Variants in BCAS3 observed in about 807,000 individuals in gnomAD.
BCAS3 encodes the protein BCAS3 microtubule associated cell migration factor.
A neutral mutation model predicts 116.1 loss-of-function variants in BCAS3; 53 were observed. The ratio of observed to expected loss-of-function variants is 0.46; its 90% CI spans 0.37 to 0.57. The LOEUF is 0.57. Ranked by LOEUF, BCAS3 falls within the 20% of genes least tolerant of loss-of-function variation. BCAS3 has a pLI of 0.00. For missense variants in BCAS3, 917 were observed against 1,165.4 expected (o/e 0.79, Z 3.10); for synonymous variants, 391 against 408.2 (o/e 0.96, Z 0.51).
At chr17:60,975,401 T>A (rs971630559) in intron 14 of BCAS3, among the ~76,000 whole-genome samples, 3 of 152,222 alleles carry the variant, frequency 2.0e-5, no homozygotes, top group African/African-American at 7.2e-5. Context: ...TATCTTCCTT[T>A]GTGCATAGGA....
chr17:60,741,616 C>T (rs1330556421), intron 5 of BCAS3, among the ~76,000 whole-genome samples: 2 of 152,176 alleles, frequency 1.3e-5, no homozygotes, highest in African/African-American at 2.4e-5. Flanking sequence ...GGCAGCATTA[C>T]ATATCCATTG....
At chr17:61,318,804 T>C (rs2054954685) in intron 22 of BCAS3, among the ~76,000 whole-genome samples, 1 of 152,194 alleles carries the variant, frequency 6.6e-6, no homozygotes, top group Non-Finnish European at 1.5e-5. Flanking sequence ...ATGTTAACTG[T>C]AATTTCTCTT....
chr17:60,867,800 C>T (rs2054749308), intron 7 of BCAS3, among the ~76,000 whole-genome samples: 2 of 152,100 alleles, frequency 1.3e-5, no homozygotes, highest in South Asian at 4.1e-4. Flanking sequence ...ACCTTCCATA[C>T]TGTGTTGAAT....
At chr17:61,232,214 A>C (rs1330412895) in intron 22 of BCAS3, among the ~76,000 whole-genome samples, 1 of 151,498 alleles carries the variant, frequency 6.6e-6, no homozygotes, top group African/African-American at 2.4e-5. Flanking sequence ...AAAAAAAAAA[A>C]AAAAAAAGAA....
intron 14 of BCAS3, among the ~76,000 whole-genome samples, chr17:60,965,529 G>T (rs2061614269): frequency 6.6e-6 from 1 of 151,900 alleles, no homozygotes; most frequent in South Asian, 2.1e-4. Flanking sequence ...CCTATATATT[G>T]CATTTCCATT....
intron 14 of BCAS3, among the ~76,000 whole-genome samples, chr17:60,959,828 G>A (rs1046893544): frequency 1.7e-4 from 26 of 152,120 alleles, no homozygotes; most frequent in African/African-American, 6.3e-4. Flanking sequence ...ACTTCCTTTG[G>A]AAATTCTGAG....
intron 22 of BCAS3, among the ~76,000 whole-genome samples, chr17:61,085,932 T>C (rs2073059083): frequency 6.6e-6 from 1 of 152,218 alleles, no homozygotes; most frequent in Non-Finnish European, 1.5e-5. Context: ...TAGGCCTTGA[T>C]TGGGCTTTTT....
In BCAS3 at chr17:61,027,577, A is replaced by G. The variant is rs555927034; in HGVS notation, c.1638-7089A>G. ...AGGTCATAGAAAAGAATTCGAATAT[A>G]TTTAATACTTTCATGTAAAGATAGG... On this transcript the variant is annotated intron_variant, in intron 16 of 23. Coordinates refer to ENST00000407086, the MANE Select transcript of BCAS3 (RefSeq NM_017679.5). 3.3e-3 allele frequency: 842 copies of G among 258,736 alleles called. 4 individuals are homozygous for G. Among genetic ancestry groups the G allele is most frequent in the Non-Finnish European group, 5.3e-3 (687 of 130,152 alleles). The allele number at this position is 258,736 out of a possible 1,614,324, so 16.0% of individuals were successfully genotyped here. A position where few individuals can be genotyped will look rare whatever the true frequency, so the allele number is the denominator to read the frequency against.
rs182714842 is a variant in BCAS3 at position 60,776,228 on chromosome 17, G to C, written c.403+28949G>C. Among the ~76,000 whole-genome samples, 6 of 151,888 alleles carry C rather than the reference G, an allele frequency of 4.0e-5. No homozygotes were observed. The East Asian group carries it at 9.7e-4, about 24-fold the overall frequency. On this transcript the variant is annotated intron_variant, in intron 6 of 23. Coordinates refer to ENST00000407086, the MANE Select transcript of BCAS3 (RefSeq NM_017679.5). ...CAGTTTTGTACTTTTAAAGTAATCT[G>C]TGTGTGTGTGTATAGATGTATATGT...
chr17:60,845,224 C>T (rs1466076153), intron 7 of BCAS3, among the ~76,000 whole-genome samples: 1 of 152,174 alleles, frequency 6.6e-6, no homozygotes, highest in Non-Finnish European at 1.5e-5. Context: ...AGGGAGACTC[C>T]GTCTCTAAAT....
intron 14 of BCAS3, among the ~76,000 whole-genome samples, chr17:60,965,207 A>C (rs929575372): frequency 6.7e-6 from 1 of 149,788 alleles, no homozygotes; most frequent in African/African-American, 2.4e-5. Flanking sequence ...GCTATATCCC[A>C]TAGGTTTTGG....
rs1459713389 is a variant in BCAS3 at position 61,017,202 on chromosome 17, G to A, written c.1637+1301G>A. On this transcript the variant is annotated intron_variant, in intron 16 of 23. Coordinates refer to ENST00000407086, the MANE Select transcript of BCAS3 (RefSeq NM_017679.5). The surrounding 1 kb of genome is among the most constrained non-coding windows in gnomAD (Gnocchi z 4.7). The stretch of plus-strand genomic sequence containing the variant: ...TATTTTAAAATAATTTAAGAATAAT[G>A]GCTGTGAATAATGAAGAGGTTATGT... The A allele has an allele frequency of 1.3e-5, 2 of 152,002 alleles. No individual in the cohort carries two copies. The highest frequency in any genetic ancestry group is 2.9e-5 in the Non-Finnish European group (2 of 67,984). The allele number at this position is 152,002 out of a possible 1,614,324, so 9.4% of individuals were successfully genotyped here.
At chr17:60,763,824 C>T (rs2043802029) in intron 6 of BCAS3, among the ~76,000 whole-genome samples, 1 of 152,110 alleles carries the variant, frequency 6.6e-6, no homozygotes, top group African/African-American at 2.4e-5. Flanking sequence ...GCCATCTGGT[C>T]CTGGACTTTT....
intron 15 of BCAS3, among the ~76,000 whole-genome samples, chr17:61,003,388 C>T (rs1277693747): frequency 3.7e-5 from 5 of 135,622 alleles, no homozygotes; most frequent in East Asian, 2.3e-4. Context: ...CCCTCCCCTC[C>T]CCTCCCCTCC....
chr17:61,055,553 G>A (rs1372611362), intron 19 of BCAS3, among the ~76,000 whole-genome samples: 1 of 152,086 alleles, frequency 6.6e-6, no homozygotes, highest in Non-Finnish European at 1.5e-5. Flanking sequence ...TGCCCCCTGG[G>A]TCATTGAAAA....
intron 15 of BCAS3, among the ~76,000 whole-genome samples, chr17:61,005,458 G>A (rs1183632727): frequency 6.6e-6 from 1 of 151,966 alleles, no homozygotes; most frequent in Non-Finnish European, 1.5e-5. Flanking sequence ...GGTTTTATCT[G>A]CCCTGTTGTC....
At position 60,804,657 on chromosome 17, in the gene BCAS3, C is replaced by G. The variant is rs1020582349; in HGVS notation, c.404-3347C>G. 2.6e-5 allele frequency among the ~76,000 whole-genome samples: 4 copies of G among 151,356 alleles called. No homozygotes were observed. In the South Asian group the frequency reaches 8.3e-4, roughly 32 times the overall value. ...ATTCTATTGTAACTTGATTTTTTTT[C>G]AGTCTTTTGCTATTATAAACAATAC... On this transcript the variant is annotated intron_variant, in intron 6 of 23. Coordinates refer to ENST00000407086, the MANE Select transcript of BCAS3 (RefSeq NM_017679.5).
rs2145609513 is a variant in BCAS3, at chr17:61,037,953, A to G, written c.1827A>G (p.Glu609=). The G allele has an allele frequency of 6.2e-7, 1 of 1,614,060 alleles. No individual in the cohort carries two copies. Among genetic ancestry groups the G allele is most frequent in the Non-Finnish European group, 8.5e-7 (1 of 1,179,912 alleles). The change falls in exon 18 of 24, where the codon GAA becomes GAG. Residue 609 remains glutamate, a synonymous_variant. Transcript: ENST00000407086. This position sits in a 1 kb window ranked among gnomAD's most constrained non-coding sequence, Gnocchi z 4.7. ...YIISCYGTLV[E]HMMEPRPLST... ...TCAGTTGCTATGGCACCTTAGTGGA[A>G]CACATGATGGAGCCGCGACCCCTCA...
intron 19 of BCAS3, among the ~76,000 whole-genome samples, chr17:61,045,973 TA>T (rs2068155370): frequency 9.2e-5 from 1 of 10,882 alleles, no homozygotes; most frequent in African/African-American, 9.0e-4. Context: ...ATAATATATA[TA>T]TATTATATAT....
Sources: allele counts gnomAD v4.1 joint callset (sites outside exome capture counted in the v4.1 genomes callset), GRCh38; gene constraint gnomAD v4.1.1; non-coding constraint Gnocchi (gnomAD v3.1); transcripts MANE v1.5; gene names NCBI Gene and HGNC (gene_info 2026-07-23, HGNC 2026-07-21).